Variants in DPP10 observed in about 807,000 individuals in gnomAD.
DPP10 encodes the protein dipeptidyl peptidase like 10.
DPP10 carries 33 observed loss-of-function variants against 120.9 expected under a neutral mutation model. The ratio of observed to expected loss-of-function variants is 0.27; its 90% confidence interval spans 0.21 to 0.37. DPP10 has a LOEUF of 0.37. DPP10 is among the 10% of genes least tolerant of loss of function. The pLI is 1.00. For missense variants in DPP10, 816 were observed against 942.8 expected (o/e 0.87, Z 1.76); for synonymous variants, 337 against 326.1 (o/e 1.03, Z -0.36).
At chr2:115,379,399 T>A (rs2066099955) in intron 3 of DPP10, among the ~76,000 whole-genome samples, 1 of 152,192 alleles carries the variant, frequency 6.6e-6, no homozygotes, top group African/African-American at 2.4e-5. Context: ...GGTGGTGATA[T>A]CCCCTTTATC....
intron 1 of DPP10, among the ~76,000 whole-genome samples, chr2:114,942,452 A>G (rs1471105436): frequency 1.4e-5 from 2 of 142,966 alleles, no homozygotes; most frequent in Non-Finnish European, 3.0e-5. Flanking sequence ...CCCATCATTA[A>G]ATATTTTGGC....
At chr2:114,889,165 C>G (rs1284320206) in intron 1 of DPP10, among the ~76,000 whole-genome samples, 1 of 152,192 alleles carries the variant, frequency 6.6e-6, no homozygotes, top group Non-Finnish European at 1.5e-5. Context: ...TGCTCTAGGA[C>G]TTCTAGCCTC....
chr2:115,231,099 T>C (rs1267258606), intron 1 of DPP10, among the ~76,000 whole-genome samples: 1 of 152,054 alleles, frequency 6.6e-6, no homozygotes, highest in Non-Finnish European at 1.5e-5. Flanking sequence ...AGTTCCCTAC[T>C]TTTGTTATCC....
chr2:115,076,849 G>A (rs780996713), intron 1 of DPP10, among the ~76,000 whole-genome samples: 1 of 152,202 alleles, frequency 6.6e-6, no homozygotes, highest in African/African-American at 2.4e-5. Flanking sequence ...TCATATGTGA[G>A]AGTTTTATAC....
chr2:114,592,351 T>C (rs915333875), intron 1 of DPP10, among the ~76,000 whole-genome samples: 3 of 152,318 alleles, frequency 2.0e-5, no homozygotes, highest in African/African-American at 7.2e-5. Context: ...TAAAGAGATA[T>C]GGCATCTGGG....
At chr2:115,616,194 G>T (rs192051342) in intron 5 of DPP10, among the ~76,000 whole-genome samples, 43 of 152,156 alleles carry the variant, frequency 2.8e-4, no homozygotes, top group Admixed American at 2.6e-3. Flanking sequence ...AGAGAATGGG[G>T]ATGGATAATA....
At chr2:115,768,272 T>A in intron 12 of DPP10, 25 bp from the exon 13 acceptor site, 1 of 1,604,676 alleles carries the variant, frequency 6.2e-7, no homozygotes, top group Non-Finnish European at 8.5e-7. Context: ...TTTCTGAGAT[T>A]GTTCTGTGCT....
At chr2:115,318,384 A>G (rs2061900771) in intron 2 of DPP10, among the ~76,000 whole-genome samples, 1 of 152,122 alleles carries the variant, frequency 6.6e-6, no homozygotes, top group Non-Finnish European at 1.5e-5. Flanking sequence ...TTAAAAATAT[A>G]TATATTGCTT....
chr2:115,479,374 C>G (rs1558727209), intron 3 of DPP10, among the ~76,000 whole-genome samples: 1 of 151,990 alleles, frequency 6.6e-6, no homozygotes, highest in Non-Finnish European at 1.5e-5. Context: ...ATCATAGACA[C>G]AGAAAGTAAA....
chr2:115,521,333 A>G (rs2077795249), intron 4 of DPP10, among the ~76,000 whole-genome samples: 1 of 152,188 alleles, frequency 6.6e-6, no homozygotes. Flanking sequence ...CTCTGTATAA[A>G]TGATAAAAGA....
chr2:115,790,664 A>G (rs1236410938), intron 17 of DPP10, among the ~76,000 whole-genome samples: 4 of 152,174 alleles, frequency 2.6e-5, no homozygotes, highest in Non-Finnish European at 1.5e-5. Context: ...AGAAATATAT[A>G]ACATGCTCAT....
intron 1 of DPP10, among the ~76,000 whole-genome samples, chr2:114,568,223 C>T (rs1290294567): frequency 1.3e-5 from 2 of 151,944 alleles, no homozygotes; most frequent in Non-Finnish European, 2.9e-5. Flanking sequence ...GTGAGTGTTG[C>T]ATGCATAGAA....
At chr2:115,699,375 G>A (rs923651035) in intron 7 of DPP10, among the ~76,000 whole-genome samples, 1 of 152,182 alleles carries the variant, frequency 6.6e-6, no homozygotes, top group African/African-American at 2.4e-5. Flanking sequence ...GCCAAGGCGG[G>A]CGGATCACCT....
chr2:114,722,206 C>A (rs1298352968), intron 1 of DPP10, among the ~76,000 whole-genome samples: 1 of 152,140 alleles, frequency 6.6e-6, no homozygotes, highest in Non-Finnish European at 1.5e-5. Flanking sequence ...GTATAATTCT[C>A]TTCTAAATAA....
intron 3 of DPP10, among the ~76,000 whole-genome samples, chr2:115,377,905 G>T (rs2065942862): frequency 6.6e-6 from 1 of 152,002 alleles, no homozygotes; most frequent in Non-Finnish European, 1.5e-5. Context: ...CTGTTCCATT[G>T]GTCTATATCT....
intron 1 of DPP10, among the ~76,000 whole-genome samples, chr2:114,543,818 A>G (rs1687146543): frequency 6.6e-6 from 1 of 151,594 alleles, no homozygotes. Context: ...AATGTCTGCT[A>G]GTCTACTAGA....
intron 1 of DPP10, among the ~76,000 whole-genome samples, chr2:114,662,903 G>C (rs530538317): frequency 8.5e-5 from 13 of 152,318 alleles, no homozygotes; most frequent in African/African-American, 3.1e-4. Context: ...AGACTCGGCA[G>C]AACATCAGCT....
chr2:115,529,578 A>G (rs2078343509), intron 5 of DPP10, among the ~76,000 whole-genome samples: 1 of 152,070 alleles, frequency 6.6e-6, no homozygotes, highest in Non-Finnish European at 1.5e-5. Flanking sequence ...AGATTTAAGT[A>G]TGCATTTCCA....
At chr2:115,780,525 C>G (rs1387452278) in intron 15 of DPP10, among the ~76,000 whole-genome samples, 1 of 151,406 alleles carries the variant, frequency 6.6e-6, no homozygotes, top group Non-Finnish European at 1.5e-5. Context: ...TGGGAAATTC[C>G]CTTTAAGACT....
Sources: gnomAD v4.1 joint callset for allele counts (sites outside exome capture counted in the v4.1 genomes callset) on GRCh38, gnomAD v4.1.1 for gene constraint, MANE v1.5 for transcripts, NCBI Gene and HGNC (gene_info 2026-07-23, HGNC 2026-07-21) for gene names.